The following EPHA6 variants were observed in gnomAD, a reference collection of about 807,000 sequenced individuals.
EPHA6 encodes the protein EPH receptor A6, also known as ephrin type-A receptor 6.
In EPHA6, 50 loss-of-function variants were observed where a neutral mutation model predicts 112.0. The observed-to-expected ratio is 0.45, with a 90% CI of 0.36 to 0.56. EPHA6 has a LOEUF of 0.56. Among genes scored for constraint, EPHA6 ranks in the 20% least tolerant of loss-of-function variants. The pLI, the probability that EPHA6 is intolerant of heterozygous loss-of-function variation, is 0.00. For missense variants in EPHA6, 1,280 were observed against 1,417.4 expected (o/e 0.90, Z 1.56); for synonymous variants, 529 against 490.7 (o/e 1.08, Z -1.03).
chr3:97,481,035 G>A (rs551642656), intron 9 of EPHA6: 1 of 395,230 alleles, frequency 2.5e-6, no homozygotes, highest in East Asian at 6.5e-5. Flanking sequence ...CAGATGATGG[G>A]CGGCCAGGCA....
intron 11 of EPHA6, among the ~76,000 whole-genome samples, chr3:97,563,399 C>G (rs1434788863): frequency 6.6e-6 from 1 of 152,122 alleles, no homozygotes; most frequent in Non-Finnish European, 1.5e-5. Flanking sequence ...AAGAAGGCTA[C>G]TGTGGCTGAA....
At chr3:97,539,022 TCTTTCTTTCTTTCTTG>T (rs1284454808) in intron 11 of EPHA6, among the ~76,000 whole-genome samples, 97 of 150,860 alleles carry the variant, frequency 6.4e-4, no homozygotes, top group African/African-American at 2.2e-3. Flanking sequence ...TTTCTTTCTT[TCTTTCTTTCTTTCTTG>T]CTTTCTTTCT....
chr3:97,180,805 T>C (rs2076966811), intron 3 of EPHA6, among the ~76,000 whole-genome samples: 1 of 152,050 alleles, frequency 6.6e-6, no homozygotes, highest in Non-Finnish European at 1.5e-5. Context: ...AACTGTGATT[T>C]GTGCAGCCTG....
chr3:97,569,255 A>G (rs1218910077), intron 11 of EPHA6, among the ~76,000 whole-genome samples: 1 of 152,230 alleles, frequency 6.6e-6, no homozygotes, highest in Non-Finnish European at 1.5e-5. Context: ...TCCATGATGT[A>G]TCTCAACATA....
intron 16 of EPHA6, among the ~76,000 whole-genome samples, chr3:97,744,653 T>C (rs1185632094): frequency 2.0e-5 from 3 of 151,930 alleles, no homozygotes; most frequent in African/African-American, 7.2e-5. Flanking sequence ...ACAAGGGAAA[T>C]AGGCTATTTA....
chr3:97,323,448 A>C (rs1028890439), intron 5 of EPHA6, among the ~76,000 whole-genome samples: 1 of 151,892 alleles, frequency 6.6e-6, no homozygotes, highest in African/African-American at 2.4e-5. Context: ...GGATGGAAGA[A>C]TATTAGGGGG....
chr3:97,118,739 A>G (rs368505084), intron 3 of EPHA6, among the ~76,000 whole-genome samples: 1 of 151,966 alleles, frequency 6.6e-6, no homozygotes, highest in Admixed American at 6.6e-5. Flanking sequence ...AACTTCCCTA[A>G]TATTCAATTT....
chr3:97,148,396 C>T (rs1177883227), intron 3 of EPHA6, among the ~76,000 whole-genome samples: 7 of 151,972 alleles, frequency 4.6e-5, no homozygotes, highest in East Asian at 3.9e-4. Flanking sequence ...TCATTAAGCC[C>T]GGGAATTCAA....
intron 5 of EPHA6, among the ~76,000 whole-genome samples, chr3:97,264,502 G>A (rs2079607664): frequency 6.6e-6 from 1 of 152,206 alleles, no homozygotes; most frequent in Non-Finnish European, 1.5e-5. Flanking sequence ...AAACTGCAGG[G>A]ACCCAAAGAG....
Position 96,892,812 on chromosome 3 carries a change from A to G in EPHA6, c.450+25923A>G, listed in dbSNP as rs150804846. 3.9e-4 allele frequency among the ~76,000 whole-genome samples: 59 copies of G among 152,238 alleles called. No homozygotes were observed. The East Asian group carries it at 8.1e-3, about 21-fold the overall frequency. On this transcript the variant is annotated intron_variant, in intron 2 of 17. Transcript: ENST00000389672. ...CCTTGAATTTCTTAACAAGTCTTTC[A>G]TAATTTTTAATTATTTTGTTTCTTG...
chr3:97,427,569 G>A (rs530450671), intron 6 of EPHA6, among the ~76,000 whole-genome samples: 5 of 152,008 alleles, frequency 3.3e-5, no homozygotes, highest in African/African-American at 1.2e-4. Context: ...AAGAGGGCCA[G>A]GAAAAGTGAC....
chr3:97,498,078 G>T (rs1442679170), intron 10 of EPHA6, among the ~76,000 whole-genome samples: 2 of 152,108 alleles, frequency 1.3e-5, no homozygotes, highest in African/African-American at 2.4e-5. Context: ...TAATGTGGAA[G>T]AATCAAGTGT....
intron 14 of EPHA6, chr3:97,646,030 A>C (rs996648811): frequency 7.2e-6 from 7 of 978,772 alleles, no homozygotes; most frequent in Non-Finnish European, 9.9e-6. Flanking sequence ...AAATATCTTT[A>C]GAACAGTATG....
intron 2 of EPHA6, among the ~76,000 whole-genome samples, chr3:96,912,886 C>A (rs181906273): frequency 2.2e-4 from 33 of 152,088 alleles, no homozygotes; most frequent in African/African-American, 7.9e-4. Flanking sequence ...GCCACTGTAC[C>A]TGGCCTTCTG....
intron 7 of EPHA6, among the ~76,000 whole-genome samples, chr3:97,459,015 A>T (rs2090794836): frequency 6.6e-6 from 1 of 152,214 alleles, no homozygotes. Flanking sequence ...ATGCAAACAA[A>T]TGTGTCAAGG....
At chr3:97,672,925 G>C (rs1250253765) in intron 14 of EPHA6, among the ~76,000 whole-genome samples, 1 of 152,148 alleles carries the variant, frequency 6.6e-6, no homozygotes, top group Non-Finnish European at 1.5e-5. Context: ...GCACTCCAAA[G>C]TGAAAATGTT....
At chr3:97,305,413 C>G (rs1384088209) in intron 5 of EPHA6, among the ~76,000 whole-genome samples, 4 of 151,948 alleles carry the variant, frequency 2.6e-5, no homozygotes, top group Admixed American at 6.6e-5. Context: ...AAGATACATG[C>G]ACATGTATGT....
intron 1 of EPHA6, among the ~76,000 whole-genome samples, chr3:96,836,470 T>C (rs1397818008): frequency 6.6e-6 from 1 of 152,156 alleles, no homozygotes; most frequent in Non-Finnish European, 1.5e-5. Flanking sequence ...AATGGAATAC[T>C]GTTTGTCAAA....
chr3:97,420,740 G>A (rs1373254423), intron 6 of EPHA6, among the ~76,000 whole-genome samples: 1 of 151,494 alleles, frequency 6.6e-6, no homozygotes, highest in Non-Finnish European at 1.5e-5. Context: ...AGGGCAGTAG[G>A]AGAAATAATA....
Sources: gnomAD v4.1 joint callset for allele counts (sites outside exome capture counted in the v4.1 genomes callset) on GRCh38, gnomAD v4.1.1 for gene constraint, MANE v1.5 for transcripts, NCBI Gene and HGNC (gene_info 2026-07-23, HGNC 2026-07-21) for gene names.